Variants in DCC observed in about 807,000 individuals in gnomAD.
DCC encodes DCC netrin 1 receptor, also known as netrin receptor DCC.
Under a neutral mutation model 172.5 loss-of-function variants are expected in DCC, and 58 were observed. The observed-to-expected ratio is 0.34, with a 90% CI of 0.27 to 0.42. The LOEUF (loss-of-function observed/expected upper bound fraction) is 0.42, where lower values mean the gene tolerates loss of function less well. DCC is among the 10% of genes least tolerant of loss of function. The pLI, the probability that DCC is intolerant of heterozygous loss-of-function variation, is 1.00. For missense variants in DCC, 1,740 were observed against 1,791.0 expected (o/e 0.97, Z 0.51); for synonymous variants, 709 against 644.5 (o/e 1.10, Z -1.52).
intron 1 of DCC, among the ~76,000 whole-genome samples, chr18:52,457,335 A>C (rs1357526951): frequency 6.6e-6 from 1 of 152,196 alleles, no homozygotes; most frequent in African/African-American, 2.4e-5. Context: ...TTTGGAGTTT[A>C]TTATTCAGTA....
intron 1 of DCC, among the ~76,000 whole-genome samples, chr18:52,737,732 G>A (rs535254879): frequency 8.5e-5 from 13 of 152,228 alleles, no homozygotes; most frequent in Admixed American, 7.2e-4. Context: ...AAGCCAGAGA[G>A]CTAATAGACA....
At chr18:53,210,395 CAA>C (rs2055730872) in intron 11 of DCC, among the ~76,000 whole-genome samples, 1 of 152,166 alleles carries the variant, frequency 6.6e-6, no homozygotes, top group African/African-American at 2.4e-5. Context: ...AAACATCTAA[CAA>C]AGTGTATGAC....
intron 1 of DCC, among the ~76,000 whole-genome samples, chr18:52,727,347 TAATA>T: frequency 6.6e-6 from 1 of 152,296 alleles, no homozygotes; most frequent in African/African-American, 2.4e-5. Context: ...CATTCTGGGC[TAATA>T]AATTAGAAAG....
chr18:52,944,863 T>C (rs1163357108), intron 5 of DCC, among the ~76,000 whole-genome samples: 1 of 152,216 alleles, frequency 6.6e-6, no homozygotes, highest in Non-Finnish European at 1.5e-5. Context: ...CATAAGTTGG[T>C]ATTTATGATA....
chr18:52,358,282 G>A (rs10853619), intron 1 of DCC, among the ~76,000 whole-genome samples: 4 of 152,038 alleles, frequency 2.6e-5, no homozygotes, highest in East Asian at 3.9e-4. Context: ...TGCATTGTCC[G>A]TAAAACTTAA....
chr18:52,878,707 A>T (rs1181613421), intron 2 of DCC, among the ~76,000 whole-genome samples: 1 of 152,194 alleles, frequency 6.6e-6, no homozygotes, highest in Non-Finnish European at 1.5e-5. Context: ...TATAATTTTT[A>T]CTAGGACGGG....
At chr18:52,967,269 G>A (rs1382364862) in intron 5 of DCC, among the ~76,000 whole-genome samples, 2 of 152,026 alleles carry the variant, frequency 1.3e-5, no homozygotes, top group African/African-American at 2.4e-5. Flanking sequence ...TCTTTTTCAT[G>A]GAGCAAATCC....
chr18:53,165,730 ATG>A (rs1314067281), intron 8 of DCC, among the ~76,000 whole-genome samples: 1 of 152,210 alleles, frequency 6.6e-6, no homozygotes, highest in Non-Finnish European at 1.5e-5. Context: ...CAAATATTGA[ATG>A]TGAGTTGACT....
intron 1 of DCC, among the ~76,000 whole-genome samples, chr18:52,594,038 T>C (rs561530017): frequency 6.7e-4 from 102 of 152,072 alleles, no homozygotes; most frequent in African/African-American, 2.4e-3. Flanking sequence ...AAATAGGGAG[T>C]AGGCAGCTGG....
intron 5 of DCC, among the ~76,000 whole-genome samples, chr18:52,983,838 A>G (rs928837550): frequency 6.6e-6 from 1 of 152,158 alleles, no homozygotes; most frequent in Non-Finnish European, 1.5e-5. Context: ...TTCACACATT[A>G]CAAGGAAGAA....
At chr18:53,404,083 C>T (rs1909493264) in intron 19 of DCC, among the ~76,000 whole-genome samples, 1 of 152,016 alleles carries the variant, frequency 6.6e-6, no homozygotes, top group African/African-American at 2.4e-5. Flanking sequence ...TTTTTTCCCC[C>T]TCATTGTTAT....
chr18:53,431,347 C>A (rs1414970608), intron 21 of DCC, among the ~76,000 whole-genome samples: 1 of 151,070 alleles, frequency 6.6e-6, no homozygotes, highest in East Asian at 1.9e-4. Flanking sequence ...ATTAATTACT[C>A]TTTAATATCT....
At chr18:53,198,481 C>T (rs1388382605) in intron 9 of DCC, among the ~76,000 whole-genome samples, 1 of 152,006 alleles carries the variant, frequency 6.6e-6, no homozygotes, top group Non-Finnish European at 1.5e-5. Context: ...CAGACACACA[C>T]ATGCACACCC....
intron 5 of DCC, among the ~76,000 whole-genome samples, chr18:52,927,236 C>CG (rs1323669225): frequency 2.3e-5 from 3 of 130,662 alleles, no homozygotes; most frequent in Non-Finnish European, 5.0e-5. Context: ...CACATATATA[C>CG]TTATATGTAC....
intron 2 of DCC, among the ~76,000 whole-genome samples, chr18:52,836,057 G>A (rs1192877269): frequency 1.3e-5 from 2 of 152,154 alleles, no homozygotes; most frequent in African/African-American, 2.4e-5. Flanking sequence ...ATGGCAGCAG[G>A]AAGGAGGCTA....
At chr18:52,408,752 C>T (rs1294619566) in intron 1 of DCC, among the ~76,000 whole-genome samples, 1 of 152,102 alleles carries the variant, frequency 6.6e-6, no homozygotes, top group Non-Finnish European at 1.5e-5. Context: ...CTTAACTCAT[C>T]ATTGTATTAA....
chr18:53,401,099 G>C (rs556864466), intron 18 of DCC, among the ~76,000 whole-genome samples: 62 of 152,152 alleles, frequency 4.1e-4, no homozygotes, highest in Non-Finnish European at 7.7e-4. Flanking sequence ...CCTTCTTTAA[G>C]ACAGCATTGT....
chr18:52,888,447 T>A (rs2079817415), intron 2 of DCC, among the ~76,000 whole-genome samples: 1 of 152,160 alleles, frequency 6.6e-6, no homozygotes, highest in African/African-American at 2.4e-5. Context: ...TGAGTTTGAA[T>A]CATATTAAAA....
chr18:52,832,164 C>T (rs1312159781), intron 2 of DCC, among the ~76,000 whole-genome samples: 1 of 152,138 alleles, frequency 6.6e-6, no homozygotes, highest in African/African-American at 2.4e-5. Flanking sequence ...TTTTCCTTTA[C>T]ATGATGGCAC....
Sources: allele counts gnomAD v4.1 joint callset (sites outside exome capture counted in the v4.1 genomes callset), GRCh38; gene constraint gnomAD v4.1.1; transcripts MANE v1.5; gene names NCBI Gene and HGNC (gene_info 2026-07-23, HGNC 2026-07-21).